Variants in BCDIN3D observed in about 807,000 individuals in gnomAD.
The protein encoded by BCDIN3D is RNA 5'-monophosphate methyltransferase.
A neutral mutation model predicts 21.2 loss-of-function variants in BCDIN3D; 15 were observed. The ratio of observed to expected loss-of-function variants is 0.71; its 90% CI spans 0.47 to 1.09. The LOEUF is 1.09. BCDIN3D is among the 50% of genes least tolerant of loss of function. The pLI is 0.00. For synonymous variants in BCDIN3D, 127 were observed against 141.9 expected (o/e 0.90, Z 0.75); for missense variants, 331 against 366.2 (o/e 0.90, Z 0.79).
intron 1 of BCDIN3D, chr12:49,840,364 A>G (rs1946543391): frequency 6.6e-6 from 1 of 152,228 alleles, no homozygotes; most frequent in Non-Finnish European, 1.5e-5. Context: ...GGGTGAAATT[A>G]AAGTACATCA....
rs1450049825 is a variant in BCDIN3D, at chr12:49,837,446, C to T, written c.*925G>A. ...GGGACTACAGGCGCCCGCCACTACG[C>T]CCGGCTAATTTTTTGTATTTTTAGT... On this transcript the variant is annotated 3_prime_UTR_variant, in exon 2 of 2. Transcript: ENST00000333924. 6.6e-6 allele frequency: 1 copy of T among 151,566 alleles called. No homozygotes were observed. The highest frequency in any genetic ancestry group is 1.5e-5 in the Non-Finnish European group (1 of 67,902). The allele number at this position is 151,566 out of a possible 1,614,324, so 9.4% of individuals were successfully genotyped here.
In BCDIN3D at chr12:49,836,381, A is replaced by G. The variant is rs1946505713; in HGVS notation, c.*1990T>C. 6.6e-6 allele frequency: 1 copy of G among 152,190 alleles called. No individual in the cohort carries two copies. The highest frequency in any genetic ancestry group is 2.1e-4 in the South Asian group (1 of 4,828). The allele number at this position is 152,190 out of a possible 1,614,324, so 9.4% of individuals were successfully genotyped here. A position where few individuals can be genotyped will look rare whatever the true frequency, so the allele number is the denominator to read the frequency against. On this transcript the variant is annotated 3_prime_UTR_variant, in exon 2 of 2. Transcript: ENST00000333924. ...TTTGCAAAGCCCCTTTTGCTAAAGG[A>G]GGTGGACATCTTGGGGGACCATTAT...
rs772541621 is a variant in BCDIN3D, at chr12:49,838,892, C to T, written c.358G>A (p.Glu120Lys). The part of the protein sequence containing the change: ...DIDPVLVKRA[E>K]KECPFPDALT... ...GCATCAGGAAAAGGACATTCTTTTT[C>T]GGCTCGCTTCACCAGGACTGGATCT... The change falls in exon 2 of 2, where the codon GAA becomes AAA. Residue 120 changes from glutamate (E) to lysine (K), a missense_variant. Transcript: ENST00000333924. 40 of 1,614,050 alleles carry T rather than the reference C, an allele frequency of 2.5e-5. No individual in the cohort carries two copies. Among genetic ancestry groups the T allele is most frequent in the Middle Eastern group, 1.6e-4 (1 of 6,084 alleles).
Position 49,836,986 on chromosome 12 carries a change from G to A in BCDIN3D, c.*1385C>T, listed in dbSNP as rs993146676. The A allele has an allele frequency of 3.9e-5, 6 of 152,234 alleles. No homozygotes were observed. The highest frequency in any genetic ancestry group is 7.3e-5 in the Non-Finnish European group (5 of 68,046). The allele number at this position is 152,234 out of a possible 1,614,324, so 9.4% of individuals were successfully genotyped here. On this transcript the variant is annotated 3_prime_UTR_variant, in exon 2 of 2. Coordinates refer to ENST00000333924, the MANE Select transcript of BCDIN3D (RefSeq NM_181708.3). ...CAGGCACCGGACACATGTATGGAAT[G>A]AAACTTACATGTAATTGATAGAATT...
chr12:49,843,003 C>T lies in BCDIN3D; in HGVS notation c.85G>A (p.Ala29Thr), dbSNP rs1479100554. ...EESRVLAPGA[A>T]PFGNFPHYSR... is the part of the protein sequence containing the mutation. ...TAATGAGGAAAATTTCCGAACGGGG[C>T]GGCGCCAGGTGCCAGAACTCGCGAT... is the stretch of plus-strand genomic sequence containing the variant. Residue 29 changes from alanine (A) to threonine (T), a missense_variant, in exon 1 of 2, where the codon GCC becomes ACC. By Grantham distance (58) the Ala-to-Thr change is moderately conservative. Transcript: ENST00000333924. 26 of 1,614,094 alleles carry T rather than the reference C, an allele frequency of 1.6e-5. No homozygotes were observed. The highest frequency in any genetic ancestry group is 2.2e-5 in the Non-Finnish European group (26 of 1,180,056).
In BCDIN3D at chr12:49,843,098, A is replaced by G. The variant is rs767747035; in HGVS notation, c.-11T>C. ...CGTGGGCACCGCCATTAGCCTCAAC[A>G]CAGCCTCTGGGCCGTGGCGGAACCG... On this transcript the variant is annotated 5_prime_UTR_variant, in exon 1 of 2. Coordinates refer to ENST00000333924, the MANE Select transcript of BCDIN3D (RefSeq NM_181708.3). The G allele has an allele frequency of 6.2e-7, 1 of 1,607,690 alleles. No individual in the cohort carries two copies. Among genetic ancestry groups the G allele is most frequent in the Admixed American group, 1.7e-5 (1 of 59,664 alleles).
rs1946523776 is a variant in BCDIN3D at position 49,838,192 on chromosome 12, A to G, written c.*179T>C. ...ACTCCACAGATTCATTCTCCTCAAG[A>G]TTTGTTCCAAACAATGGGGAACAGA... On this transcript the variant is annotated 3_prime_UTR_variant, in exon 2 of 2. Coordinates refer to ENST00000333924, the MANE Select transcript of BCDIN3D (RefSeq NM_181708.3). The G allele has an allele frequency of 1.3e-5, 8 of 638,666 alleles. No individual in the cohort carries two copies. The highest frequency in any genetic ancestry group is 1.8e-5 in the African/African-American group (1 of 54,468). 39.6% of individuals were successfully genotyped at this position (638,666 alleles called of 1,614,324 possible). A position where few individuals can be genotyped will look rare whatever the true frequency, so the allele number is the denominator to read the frequency against.
At position 49,842,896 on chromosome 12, in the gene BCDIN3D, C is replaced by G. The variant is rs769190794; in HGVS notation, c.192G>C (p.Glu64Asp). The G allele has an allele frequency of 1.9e-6, 3 of 1,612,962 alleles. No homozygotes were observed. In the African/African-American group the frequency reaches 4.0e-5, roughly 22 times the overall value. Residue 64 changes from glutamate to aspartate, a missense_variant, in exon 1 of 2, where the codon GAG becomes GAC. Transcript: ENST00000333924. ...LLRQLFPESP[E>D]NGPILGLDVG... Reference sequence around the variant, plus strand: ...CGTCGAGCCCCAGAATCGGCCCGTTCTCGGGACTCTCAGGAAAGAGCTGTC... The same window carrying G: ...CGTCGAGCCCCAGAATCGGCCCGTTGTCGGGACTCTCAGGAAAGAGCTGTC...
rs1946524671 is a variant in BCDIN3D at position 49,838,306 on chromosome 12, G to A, written c.*65C>T. ...TGCCTGATTGTTAAGGAATTAAGGA[G>A]AATGAACATAATTCTCAATATAAAA... On this transcript the variant is annotated 3_prime_UTR_variant, in exon 2 of 2. Transcript: ENST00000333924. 3.4e-6 allele frequency: 5 copies of A among 1,487,986 alleles called. No homozygotes were observed. Among genetic ancestry groups the A allele is most frequent in the South Asian group, 2.6e-5 (2 of 76,204 alleles). The allele number at this position is 1,487,986 out of a possible 1,614,324, so 92.2% of individuals were successfully genotyped here.
intron 1 of BCDIN3D, chr12:49,840,730 C>G (rs1471274380): frequency 6.7e-6 from 1 of 148,260 alleles, no homozygotes; most frequent in African/African-American, 2.5e-5. Context: ...AGGCTGATCT[C>G]AAACTCCCGA....
intron 1 of BCDIN3D, among the ~76,000 whole-genome samples, chr12:49,842,122 C>T (rs1397817512): frequency 6.6e-6 from 1 of 152,208 alleles, no homozygotes. Flanking sequence ...GCTCTGTCGC[C>T]CAGGCTGGAG....
chr12:49,840,859 G>A (rs977477730), intron 1 of BCDIN3D: 3 of 152,060 alleles, frequency 2.0e-5, no homozygotes, highest in African/African-American at 4.8e-5. Context: ...GTCTCACTTC[G>A]TCACCCAGGC....
At chr12:49,839,103 A>C in intron 1 of BCDIN3D, 88 bp from the exon 2 acceptor site, 3 of 1,415,448 alleles carry the variant, frequency 2.1e-6, no homozygotes, top group Non-Finnish European at 1.9e-6. Flanking sequence ...TGAGAATGCC[A>C]CTTACCTCTG....
intron 1 of BCDIN3D, among the ~76,000 whole-genome samples, chr12:49,842,181 C>T (rs561975145): frequency 2.6e-5 from 4 of 152,156 alleles, no homozygotes; most frequent in East Asian, 1.9e-4. Context: ...CCCGGGTTCA[C>T]GCCATTCTCC....
At chr12:49,842,753 G>A in intron 1 of BCDIN3D, 101 bp downstream of exon 1, 1 of 1,077,026 alleles carries the variant, frequency 9.3e-7, no homozygotes, top group Non-Finnish European at 1.4e-6. Context: ...ACTCGTTTTG[G>A]GAAAGTTTCG....
intron 1 of BCDIN3D, chr12:49,839,372 C>T: frequency 4.5e-6 from 1 of 221,722 alleles, no homozygotes; most frequent in Non-Finnish European, 9.1e-6. Flanking sequence ...CTCAAGACCC[C>T]AGGGCGGAAG....
In BCDIN3D at chr12:49,838,204, C is replaced by G. The variant is rs549408606; in HGVS notation, c.*167G>C. 3.3e-5 allele frequency: 22 copies of G among 669,518 alleles called. No individual in the cohort carries two copies. The African/African-American group carries it at 4.0e-4, about 12-fold the overall frequency. 41.5% of individuals were successfully genotyped at this position (669,518 alleles called of 1,614,324 possible). ...CATTCTCCTCAAGATTTGTTCCAAA[C>G]AATGGGGAACAGATACTGATTCTTT... On this transcript the variant is annotated 3_prime_UTR_variant, in exon 2 of 2. Coordinates refer to ENST00000333924, the MANE Select transcript of BCDIN3D (RefSeq NM_181708.3).
rs1265313905 is a variant in BCDIN3D, at chr12:49,838,315, T to A, written c.*56A>T. 6.6e-7 allele frequency: 1 copy of A among 1,512,240 alleles called. No homozygotes were observed. The highest frequency in any genetic ancestry group is 1.4e-5 in the African/African-American group (1 of 71,862). 93.7% of individuals were successfully genotyped at this position (1,512,240 alleles called of 1,614,324 possible). The stretch of plus-strand genomic sequence containing the variant: ...GTTAAGGAATTAAGGAGAATGAACA[T>A]AATTCTCAATATAAAACCCTTTCAA... On this transcript the variant is annotated 3_prime_UTR_variant, in exon 2 of 2. Transcript: ENST00000333924.
chr12:49,842,648 C>T (rs1565604832), intron 1 of BCDIN3D: 1 of 550,750 alleles, frequency 1.8e-6, no homozygotes, highest in Non-Finnish European at 3.2e-6. Context: ...ACGTAGTCGA[C>T]AAGGACTCCT....
Sources: gnomAD v4.1 joint callset for allele counts (sites outside exome capture counted in the v4.1 genomes callset) on GRCh38, gnomAD v4.1.1 for gene constraint, MANE v1.5 for transcripts, NCBI Gene and HGNC (gene_info 2026-07-23, HGNC 2026-07-21) for gene names.